The following ERGIC1 variants were observed in gnomAD, a reference collection of about 807,000 sequenced individuals.
ERGIC1 encodes the protein endoplasmic reticulum-Golgi intermediate compartment protein 1.
A neutral mutation model predicts 38.3 loss-of-function variants in ERGIC1; 19 were observed. The ratio of observed to expected loss-of-function variants is 0.50; its 90% CI spans 0.35 to 0.73. ERGIC1 has a LOEUF of 0.73. Among genes scored for constraint, ERGIC1 ranks in the 30% least tolerant of loss-of-function variants. ERGIC1 has a pLI of 0.01. For synonymous variants in ERGIC1, 124 were observed against 157.6 expected, an observed-to-expected ratio of 0.79 and a Z score of 1.60; for missense variants, 294 against 389.2, an observed-to-expected ratio of 0.76 and a Z score of 2.06.
At chr5:172,841,973 C>A (rs1176726469) in intron 1 of ERGIC1, among the ~76,000 whole-genome samples, 1 of 152,230 alleles carries the variant, frequency 6.6e-6, no homozygotes, top group Non-Finnish European at 1.5e-5. Context: ...TATCACCCCT[C>A]ACATCTCATG....
At chr5:172,905,234 G>T (rs1485561156) in intron 3 of ERGIC1, 2 of 262,518 alleles carry the variant, frequency 7.6e-6, no homozygotes, top group Non-Finnish European at 1.6e-5. Flanking sequence ...TTCCTGGCTG[G>T]GAAGGGAAGC....
intron 9 of ERGIC1, chr5:172,935,590 T>C: frequency 2.7e-6 from 1 of 363,818 alleles, no homozygotes; most frequent in South Asian, 5.7e-5. Flanking sequence ...ATGGTTCCAC[T>C]AGATGTTTAG....
chr5:172,848,383 A>G (rs1485840842), intron 1 of ERGIC1, among the ~76,000 whole-genome samples: 2 of 152,202 alleles, frequency 1.3e-5, no homozygotes, highest in South Asian at 2.1e-4. Flanking sequence ...GAGAGTTTAT[A>G]GAGAAGGAGC....
intron 1 of ERGIC1, among the ~76,000 whole-genome samples, chr5:172,876,202 C>G (rs1433615103): frequency 1.3e-5 from 2 of 152,200 alleles, no homozygotes; most frequent in African/African-American, 4.8e-5. Context: ...GCAGCCTGGT[C>G]TATCTGTTAG....
intron 9 of ERGIC1, 147 bp downstream of exon 9, chr5:172,935,457 C>A: frequency 2.0e-6 from 2 of 1,000,966 alleles, no homozygotes; most frequent in South Asian, 1.6e-5. Context: ...CAGGAGGCTT[C>A]GACCCCAAGG....
At chr5:172,857,734 A>G (rs1426293889) in intron 1 of ERGIC1, among the ~76,000 whole-genome samples, 1 of 151,878 alleles carries the variant, frequency 6.6e-6, no homozygotes, top group Non-Finnish European at 1.5e-5. Flanking sequence ...CCCCTCTTCC[A>G]TGGAACTTGG....
chr5:172,865,853 T>C (rs1179696735), intron 1 of ERGIC1, among the ~76,000 whole-genome samples: 11 of 152,238 alleles, frequency 7.2e-5, no homozygotes, highest in Admixed American at 7.2e-4. Context: ...TTTTATTTCA[T>C]AGACTATTTT....
At chr5:172,875,321 C>A (rs931219532) in intron 1 of ERGIC1, among the ~76,000 whole-genome samples, 36 of 152,160 alleles carry the variant, frequency 2.4e-4, no homozygotes, top group African/African-American at 8.7e-4. Context: ...CTCAACTGCA[C>A]TTTTCCCTTA....
At chr5:172,858,692 C>G (rs73325107) in intron 1 of ERGIC1, among the ~76,000 whole-genome samples, 2 of 152,234 alleles carry the variant, frequency 1.3e-5, no homozygotes, top group African/African-American at 4.8e-5. Flanking sequence ...TACTGCGTAC[C>G]TGGCAGACCC....
intron 9 of ERGIC1, among the ~76,000 whole-genome samples, chr5:172,942,212 A>T (rs535811611): frequency 9.2e-5 from 14 of 152,280 alleles, no homozygotes; most frequent in East Asian, 5.8e-4. Flanking sequence ...ATAATAATAA[A>T]AAATAAAAAA....
At chr5:172,893,886 T>TATATAC (rs1762632785) in intron 2 of ERGIC1, among the ~76,000 whole-genome samples, 1 of 15,534 alleles carries the variant, frequency 6.4e-5, no homozygotes, top group African/African-American at 1.4e-4. Flanking sequence ...TATATATATA[T>TATATAC]ATATATATAT....
At chr5:172,836,284 C>T (rs2113498607) in intron 1 of ERGIC1, among the ~76,000 whole-genome samples, 1 of 152,226 alleles carries the variant, frequency 6.6e-6, no homozygotes, top group East Asian at 1.9e-4. Flanking sequence ...TGGGTAAGGC[C>T]AGCTCTAGCC....
At chr5:172,881,448 G>A (rs576370677) in intron 1 of ERGIC1, among the ~76,000 whole-genome samples, 6 of 152,192 alleles carry the variant, frequency 3.9e-5, no homozygotes, top group East Asian at 1.9e-4. Flanking sequence ...ACTGGGTAGC[G>A]AGGAGGGCAG....
chr5:172,947,876 TTGTGTGTGTGTGTGTGTGTGTGTG>T lies in ERGIC1; in HGVS notation c.766-2820_766-2797del, dbSNP rs10566172. ...GTGTGTAGATGAATACAGATGTGTT[TTGTGTGTGTGTGTGTGTGTGTGTG>T]TGTGTGTGTGTGGTTATTTTTTATT... On this transcript the variant is annotated intron_variant, in intron 9 of 9. Transcript: ENST00000393784. Among the ~76,000 whole-genome samples, 9 of 145,826 alleles carry T rather than the reference TTGTGTGTGTGTGTGTGTGTGTGTG, an allele frequency of 6.2e-5. No individual in the cohort carries two copies. The East Asian group carries it at 1.4e-3, about 23-fold the overall frequency.
chr5:172,909,919 A>T (rs1763165002), intron 4 of ERGIC1, among the ~76,000 whole-genome samples, 158 bp downstream of exon 4: 1 of 152,118 alleles, frequency 6.6e-6, no homozygotes, highest in Non-Finnish European at 1.5e-5. Flanking sequence ...ATGCACTTGG[A>T]GGTTTTCTGG....
intron 2 of ERGIC1, among the ~76,000 whole-genome samples, chr5:172,892,060 A>ATTTTTTT (rs372105420): frequency 8.0e-6 from 1 of 125,530 alleles, no homozygotes; most frequent in African/African-American, 3.1e-5. Flanking sequence ...GTTAAAGAGT[A>ATTTTTTT]TGTTTTTTTT....
intron 4 of ERGIC1, among the ~76,000 whole-genome samples, chr5:172,913,264 C>T (rs1194555649): frequency 6.6e-6 from 1 of 152,362 alleles, no homozygotes; most frequent in Non-Finnish European, 1.5e-5. Context: ...GTTCCACTGG[C>T]TCCAGTGATA....
At chr5:172,943,007 G>C (rs1440520074) in intron 9 of ERGIC1, among the ~76,000 whole-genome samples, 1 of 152,160 alleles carries the variant, frequency 6.6e-6, no homozygotes, top group Non-Finnish European at 1.5e-5. Flanking sequence ...TGGGCTAACA[G>C]AAAAAGCAGG....
intron 9 of ERGIC1, among the ~76,000 whole-genome samples, chr5:172,945,346 G>A (rs765995042): frequency 2.3e-4 from 35 of 152,210 alleles, no homozygotes; most frequent in South Asian, 4.1e-4. Flanking sequence ...CTTAGAGTGC[G>A]TGGGCCCCCA....
Sources: gnomAD v4.1 joint callset for allele counts (sites outside exome capture counted in the v4.1 genomes callset) on GRCh38, gnomAD v4.1.1 for gene constraint, MANE v1.5 for transcripts, NCBI Gene and HGNC (gene_info 2026-07-23, HGNC 2026-07-21) for gene names.